The following SIPA1L2 variants were observed in gnomAD, a reference collection of about 807,000 sequenced individuals.
The protein encoded by SIPA1L2 is signal-induced proliferation-associated 1-like protein 2.
SIPA1L2 carries 56 observed loss-of-function variants against 163.9 expected under a neutral mutation model. That is an observed-to-expected ratio of 0.34 (90% CI 0.28 to 0.43). The LOEUF (loss-of-function observed/expected upper bound fraction) is 0.43. Among genes scored for constraint, SIPA1L2 ranks in the 20% least tolerant of loss-of-function variants. The probability of loss-of-function intolerance (pLI) is 1.00; values close to 1 mark genes in which losing one functional copy is unlikely to be tolerated. For missense variants in SIPA1L2, 1,974 were observed against 2,193.5 expected, an observed-to-expected ratio of 0.90 and a Z score of 2.00; for synonymous variants, 877 against 865.7, an observed-to-expected ratio of 1.01 and a Z score of -0.23.
intron 18 of SIPA1L2, among the ~76,000 whole-genome samples, chr1:232,423,292 T>C (rs1661685981): frequency 6.6e-6 from 1 of 152,220 alleles, no homozygotes; most frequent in Non-Finnish European, 1.5e-5. Context: ...TGGGTTTATC[T>C]GGACATGGCC....
chr1:232,452,387 C>T (rs756418075), intron 10 of SIPA1L2, among the ~76,000 whole-genome samples: 1 of 152,128 alleles, frequency 6.6e-6, no homozygotes, highest in African/African-American at 2.4e-5. Flanking sequence ...ATGCACTCCA[C>T]AACTTCAGAG....
rs147170800 is a variant in SIPA1L2, at chr1:232,578,239, C to G, written c.-318-4017G>C. Among the ~76,000 whole-genome samples the G allele has an allele frequency of 5.7e-3, 868 of 151,550 alleles. 4 individuals carry two copies. The highest frequency in any genetic ancestry group is 0.038 in the Middle Eastern group (11 of 292). On this transcript the variant is annotated intron_variant, in intron 1 of 22. Transcript: ENST00000674635. Reference sequence around the variant, plus strand: ...CCTAATAAACTCCAGTATAGCGTAACTGTAACTTTTAAATGCACTGGAAAA... The same window carrying G: ...CCTAATAAACTCCAGTATAGCGTAAGTGTAACTTTTAAATGCACTGGAAAA...
intron 1 of SIPA1L2, among the ~76,000 whole-genome samples, chr1:232,624,330 T>C (rs1234895191): frequency 6.6e-6 from 1 of 152,206 alleles, no homozygotes; most frequent in African/African-American, 2.4e-5. Flanking sequence ...ATTAGAAACT[T>C]CAATACGGAG....
intron 15 of SIPA1L2, among the ~76,000 whole-genome samples, chr1:232,433,667 C>A (rs759356015): frequency 6.6e-6 from 1 of 152,120 alleles, no homozygotes; most frequent in Non-Finnish European, 1.5e-5. Flanking sequence ...TTAACCACCA[C>A]CAGAAATATC....
intron 2 of SIPA1L2, chr1:232,561,561 C>G (rs1011368035): frequency 6.6e-6 from 1 of 152,238 alleles, no homozygotes; most frequent in African/African-American, 2.4e-5. Flanking sequence ...CCCCTAGTAA[C>G]AGGAAATGAA....
At chr1:232,577,860 G>A (rs191165836) in intron 1 of SIPA1L2, among the ~76,000 whole-genome samples, 1 of 152,320 alleles carries the variant, frequency 6.6e-6, no homozygotes, top group East Asian at 1.9e-4. Context: ...TATGAACATT[G>A]TTGCAAAGGA....
chr1:232,463,913 G>A (rs1664374220), intron 9 of SIPA1L2, among the ~76,000 whole-genome samples: 1 of 152,098 alleles, frequency 6.6e-6, no homozygotes, highest in African/African-American at 2.4e-5. Context: ...ACACTGCCCT[G>A]ATTTTACCTT....
chr1:232,612,570 C>A, intron 1 of SIPA1L2, among the ~76,000 whole-genome samples: 1 of 152,176 alleles, frequency 6.6e-6, no homozygotes, highest in East Asian at 1.9e-4. Context: ...TTGACTGCCC[C>A]GCTGAATTTC....
chr1:232,553,381 CG>C (rs960997780), intron 2 of SIPA1L2, among the ~76,000 whole-genome samples: 12 of 152,018 alleles, frequency 7.9e-5, no homozygotes, highest in East Asian at 3.9e-4. Flanking sequence ...GGGTACAGGA[CG>C]GGGGGGCGTA....
intron 10 of SIPA1L2, among the ~76,000 whole-genome samples, chr1:232,449,413 G>A (rs1435032024): frequency 6.6e-6 from 1 of 151,812 alleles, no homozygotes; most frequent in Non-Finnish European, 1.5e-5. Context: ...AGCTACTCGG[G>A]AGGCTGAGGC....
At position 232,479,571 on chromosome 1, in the gene SIPA1L2, G is replaced by A. The variant is rs1371976352; in HGVS notation, c.2085+56C>T. 2.1e-5 allele frequency: 29 copies of A among 1,378,680 alleles called. No homozygotes were observed. The East Asian group carries it at 4.4e-4, about 21-fold the overall frequency. 85.4% of individuals were successfully genotyped at this position (1,378,680 alleles called of 1,614,324 possible). On this transcript the variant is annotated intron_variant, in intron 7 of 22. Transcript: ENST00000674635. Reference sequence around the variant, plus strand: ...TCTACATGCATCAATATCATCAGTGGGCCCACCTCAGATTTCATACTCAGC... The same window carrying A: ...TCTACATGCATCAATATCATCAGTGAGCCCACCTCAGATTTCATACTCAGC...
rs202105245 is a variant in SIPA1L2, at chr1:232,514,708, A to G, written c.632T>C (p.Met211Thr). ...QGLSGENFFAMLRGYRVENYD... is the reference protein window; with the variant it reads ...QGLSGENFFATLRGYRVENYD... ...ATTTTCTACTCGGTACCCTCTGAGC[A>G]TAGCAAAAAAGTTTTCACCAGATAA... Residue 211 changes from methionine (M) to threonine (T), a missense_variant, in exon 3 of 23, where the codon ATG becomes ACG. Physicochemically the swap from Met to Thr is moderately conservative, Grantham distance 81. This residue lies in a region of SIPA1L2 where 607 missense variants were observed against 624.0 expected (regional missense o/e 0.97). Coordinates refer to ENST00000674635, the MANE Select transcript of SIPA1L2 (RefSeq NM_020808.5). 223 of 1,614,098 alleles carry G rather than the reference A, an allele frequency of 1.4e-4. No individual in the cohort carries two copies. Among genetic ancestry groups the G allele is most frequent in the South Asian group, 5.9e-4 (54 of 91,090 alleles).
At chr1:232,624,559 T>G (rs1662979975) in intron 1 of SIPA1L2, among the ~76,000 whole-genome samples, 1 of 152,258 alleles carries the variant, frequency 6.6e-6, no homozygotes, top group African/African-American at 2.4e-5. Flanking sequence ...GAGTTCTTAC[T>G]TTCCACAATA....
chr1:232,460,801 T>G, intron 10 of SIPA1L2, 86 bp downstream of exon 10: 2 of 1,493,796 alleles, frequency 1.3e-6, no homozygotes, highest in Non-Finnish European at 1.8e-6. Flanking sequence ...CTGCATTTTC[T>G]GAGGACCTTG....
At chr1:232,449,943 G>A (rs1266206802) in intron 10 of SIPA1L2, among the ~76,000 whole-genome samples, 2 of 152,176 alleles carry the variant, frequency 1.3e-5, no homozygotes, top group African/African-American at 2.4e-5. Context: ...CAAATCCATA[G>A]TACTTGGAGC....
intron 3 of SIPA1L2, among the ~76,000 whole-genome samples, chr1:232,503,261 A>C (rs572501805): frequency 6.4e-4 from 97 of 152,364 alleles, no homozygotes; most frequent in Admixed American, 2.2e-3. Context: ...CAGTGCAGGA[A>C]ATGAAGATGA....
At chr1:232,609,829 C>CAAAAAAAAAAAAA (rs71173228) in intron 1 of SIPA1L2, among the ~76,000 whole-genome samples, 2 of 102,336 alleles carry the variant, frequency 2.0e-5, no homozygotes, top group African/African-American at 3.7e-5. Flanking sequence ...GACTCCATCT[C>CAAAAAAAAAAAAA]AAAAAAAAAA....
chr1:232,463,852 T>C (rs1572937324), intron 9 of SIPA1L2, among the ~76,000 whole-genome samples: 2 of 152,326 alleles, frequency 1.3e-5, no homozygotes, highest in East Asian at 3.9e-4. Context: ...TGAGGCCCTT[T>C]ACTGTAAACA....
At chr1:232,406,597 ATTGGTGGGGGTGAATGGT>A in intron 19 of SIPA1L2, among the ~76,000 whole-genome samples, 1 of 152,162 alleles carries the variant, frequency 6.6e-6, no homozygotes, top group Non-Finnish European at 1.5e-5. Flanking sequence ...CCAAGGCTGG[ATTGGTGGGGGTGAATGGT>A]CTGATCAACA....
Sources: allele counts gnomAD v4.1 joint callset (sites outside exome capture counted in the v4.1 genomes callset), GRCh38; gene constraint gnomAD v4.1.1; regional missense constraint gnomAD v4.1.1; transcripts MANE v1.5; gene names NCBI Gene and HGNC (gene_info 2026-07-23, HGNC 2026-07-21).